ZHX3: variants seen among roughly 807,000 people sequenced by gnomAD.
ZHX3 encodes zinc fingers and homeoboxes 3.
Under a neutral mutation model 64.5 loss-of-function variants are expected in ZHX3, and 20 were observed. The ratio of observed to expected loss-of-function variants is 0.31; its 90% CI spans 0.22 to 0.45. The LOEUF (loss-of-function observed/expected upper bound fraction) is 0.45, where lower values mean the gene tolerates loss of function less well. ZHX3 is among the 20% of genes least tolerant of loss of function. The probability of loss-of-function intolerance (pLI) is 1.00; values close to 1 mark genes in which losing one functional copy is unlikely to be tolerated. For synonymous variants in ZHX3, 423 were observed against 461.6 expected, an observed-to-expected ratio of 0.92 and a Z score of 1.07; for missense variants, 1,041 against 1,195.8, an observed-to-expected ratio of 0.87 and a Z score of 1.91.
rs1386459142 is a variant in ZHX3, at chr20:41,180,005, C to G, written c.*5186G>C. Reference sequence around the variant, plus strand: ...AAAGCATTAACCAAGAAAAACTATTCATTAACACATACAGGTGCTCATGTG... The same window carrying G: ...AAAGCATTAACCAAGAAAAACTATTGATTAACACATACAGGTGCTCATGTG... On this transcript the variant is annotated 3_prime_UTR_variant, in exon 4 of 4. Transcript: ENST00000683867. 6.5e-6 allele frequency: 1 copy of G among 152,690 alleles called. No individual in the cohort carries two copies. 9.5% of individuals were successfully genotyped at this position (152,690 alleles called of 1,614,324 possible). A position where few individuals can be genotyped will look rare whatever the true frequency, so the allele number is the denominator to read the frequency against.
At chr20:41,300,484 T>C (rs1332435436) in intron 1 of ZHX3, among the ~76,000 whole-genome samples, 2 of 152,228 alleles carry the variant, frequency 1.3e-5, no homozygotes, top group African/African-American at 4.8e-5. Context: ...GAGAAAGCAA[T>C]CTTTGTCCTA....
chr20:41,214,671 T>G (rs896441633), intron 2 of ZHX3, among the ~76,000 whole-genome samples: 2 of 152,190 alleles, frequency 1.3e-5, no homozygotes, highest in African/African-American at 4.8e-5. Flanking sequence ...AAGCTTGGGT[T>G]TATTTGTTAT....
intron 1 of ZHX3, among the ~76,000 whole-genome samples, chr20:41,289,619 T>G (rs6093465): frequency 0.18 from 27,668 of 151,796 alleles, 4,190 homozygotes; most frequent in African/African-American, 0.42. Flanking sequence ...TAATAAAACG[T>G]TTGGCTATGT....
chr20:41,231,174 C>T (rs1232737080), intron 2 of ZHX3, among the ~76,000 whole-genome samples: 1 of 152,072 alleles, frequency 6.6e-6, no homozygotes, highest in Non-Finnish European at 1.5e-5. Flanking sequence ...TTTAATCTCC[C>T]CCCATTGCTT....
In ZHX3 at chr20:41,228,149, C is replaced by G. The variant is rs557472014; in HGVS notation, c.-150-23083G>C. ...ATAACCTCTCCAAAGGGAGCAAACT[C>G]ATGCCCAGGACTTTGCAATCTCCTC... On this transcript the variant is annotated intron_variant, in intron 2 of 3. Coordinates refer to ENST00000683867, the MANE Select transcript of ZHX3 (RefSeq NM_001384317.1). This position sits in a 1 kb window ranked among gnomAD's most constrained non-coding sequence, Gnocchi z 4.6. Among the ~76,000 whole-genome samples the G allele has an allele frequency of 1.2e-4, 18 of 152,194 alleles. No individual in the cohort carries two copies. The highest frequency in any genetic ancestry group is 2.4e-4 in the Non-Finnish European group (16 of 68,034).
chr20:41,244,850 G>A (rs758862944), intron 2 of ZHX3, among the ~76,000 whole-genome samples: 13 of 152,080 alleles, frequency 8.5e-5, no homozygotes, highest in South Asian at 2.1e-4. Flanking sequence ...TTACCTTCTC[G>A]GCCATCTCCT....
At position 41,180,438 on chromosome 20, in the gene ZHX3, C is replaced by T. The variant is rs777267377; in HGVS notation, c.*4753G>A. 4 of 152,350 alleles carry T rather than the reference C, an allele frequency of 2.6e-5. No homozygotes were observed. The highest frequency in any genetic ancestry group is 4.4e-5 in the Non-Finnish European group (3 of 68,128). The allele number at this position is 152,350 out of a possible 1,614,324, so 9.4% of individuals were successfully genotyped here. The stretch of plus-strand genomic sequence containing the variant: ...TCTGGGTTCCCTCCCCTGCTCTAGA[C>T]TTCAGGGCAGTTAGAATGGATGACT... On this transcript the variant is annotated 3_prime_UTR_variant, in exon 4 of 4. Transcript: ENST00000683867.
chr20:41,295,250 A>G (rs1464001858), intron 1 of ZHX3, among the ~76,000 whole-genome samples: 1 of 152,210 alleles, frequency 6.6e-6, no homozygotes, highest in Non-Finnish European at 1.5e-5. Flanking sequence ...TAATACATAA[A>G]ACACTTCAGT....
Position 41,202,083 on chromosome 20 carries a change from G to C in ZHX3, c.2834C>G (p.Ser945Trp), listed in dbSNP as rs762813790. 35 of 1,606,796 alleles carry C rather than the reference G, an allele frequency of 2.2e-5. No individual in the cohort carries two copies. The Admixed American group carries it at 5.9e-4, about 27-fold the overall frequency. ...PEASSEPFDT[S>W]SPQAGRQLET... is the part of the protein sequence containing the mutation. ...GAGCTGACGTCCAGCCTGGGGACTC[G>C]ATGTGTCAAAGGGCTCTGAGCTGGC... The change falls in exon 3 of 4, where the codon TCG becomes TGG. Residue 945 changes from serine (S) to tryptophan (W), a missense_variant. Ser to Trp is a radical substitution (Grantham distance 177, BLOSUM62 -3). Around this residue, in one of 4 missense-constraint regions of ZHX3, gnomAD observed 649 missense variants for 739.8 expected, o/e 0.88. Transcript: ENST00000683867. This position sits in a 1 kb window ranked among gnomAD's most constrained non-coding sequence, Gnocchi z 7.0.
At position 41,212,107 on chromosome 20, in the gene ZHX3, T is replaced by C. The variant is rs890454163; in HGVS notation, c.-150-7041A>G. On this transcript the variant is annotated intron_variant, in intron 2 of 3. Coordinates refer to ENST00000683867, the MANE Select transcript of ZHX3 (RefSeq NM_001384317.1). This position sits in a 1 kb window ranked among gnomAD's most constrained non-coding sequence, Gnocchi z 4.3. ...GGTCACCATCAAGAAAGTGAAAAGA[T>C]AGACAATCCACAGAAAGAAAAGGTT... Among the ~76,000 whole-genome samples, 11 of 152,174 alleles carry C rather than the reference T, an allele frequency of 7.2e-5. No individual in the cohort carries two copies. Among genetic ancestry groups the C allele is most frequent in the African/African-American group, 2.4e-4 (10 of 41,452 alleles).
At chr20:41,240,256 G>T (rs2041290946) in intron 2 of ZHX3, among the ~76,000 whole-genome samples, 1 of 152,202 alleles carries the variant, frequency 6.6e-6, no homozygotes, top group Admixed American at 6.5e-5. Flanking sequence ...AGAAGGCAGA[G>T]CATGGGACAG....
Position 41,195,396 on chromosome 20 carries a change from G to A in ZHX3, c.2860+6661C>T, listed in dbSNP as rs149412659. ...CTCCCAAAGCACTGGGATTATAGAT[G>A]CAAGCCACCATGCTCGACTGAGATT... is the stretch of plus-strand genomic sequence containing the variant. On this transcript the variant is annotated intron_variant, in intron 3 of 3. Transcript: ENST00000683867. This position sits in a 1 kb window ranked among gnomAD's most constrained non-coding sequence, Gnocchi z 4.2. Among the ~76,000 whole-genome samples, 521 of 152,132 alleles carry A rather than the reference G, an allele frequency of 3.4e-3. 2 individuals carry two copies. The highest frequency in any genetic ancestry group is 0.012 in the African/African-American group (497 of 41,520).
chr20:41,236,166 G>C (rs2040971244), intron 2 of ZHX3, among the ~76,000 whole-genome samples: 1 of 152,170 alleles, frequency 6.6e-6, no homozygotes, highest in African/African-American at 2.4e-5. Context: ...TGGGTAGGAA[G>C]AATCAATATC....
chr20:41,181,664 G>A lies in ZHX3; in HGVS notation c.*3527C>T, dbSNP rs548236845. On this transcript the variant is annotated 3_prime_UTR_variant, in exon 4 of 4. Transcript: ENST00000683867. The stretch of plus-strand genomic sequence containing the variant: ...GTCCCAGAGCCAGGAGAGAGAGGGA[G>A]AGAACACAGGACCTGCCCCTAGGCC... The A allele has an allele frequency of 3.3e-5, 5 of 152,422 alleles. No homozygotes were observed. The highest frequency in any genetic ancestry group is 1.2e-4 in the African/African-American group (5 of 41,570). The allele number at this position is 152,422 out of a possible 1,614,324, so 9.4% of individuals were successfully genotyped here. A position where few individuals can be genotyped will look rare whatever the true frequency, so the allele number is the denominator to read the frequency against.
intron 3 of ZHX3, among the ~76,000 whole-genome samples, chr20:41,196,390 TA>T (rs1174205985): frequency 3.5e-5 from 2 of 57,120 alleles, no homozygotes; most frequent in Non-Finnish European, 5.3e-5. Flanking sequence ...CATAAATATA[TA>T]TTTATATATA....
At chr20:41,306,395 G>A (rs779060729) in intron 1 of ZHX3, among the ~76,000 whole-genome samples, 3 of 152,140 alleles carry the variant, frequency 2.0e-5, no homozygotes, top group Admixed American at 6.5e-5. Flanking sequence ...CAGAAAATAG[G>A]GTCAAATGCT....
chr20:41,251,070 G>C (rs1454012037), intron 2 of ZHX3, among the ~76,000 whole-genome samples: 1 of 152,122 alleles, frequency 6.6e-6, no homozygotes, highest in Non-Finnish European at 1.5e-5. Flanking sequence ...ATGGTTAAAG[G>C]AAGTTTTTCA....
chr20:41,304,593 A>G (rs1387234785), intron 1 of ZHX3, among the ~76,000 whole-genome samples: 1 of 152,236 alleles, frequency 6.6e-6, no homozygotes. Context: ...GTGTGAATGG[A>G]TATCTGTATG....
intron 2 of ZHX3, among the ~76,000 whole-genome samples, chr20:41,214,281 C>T (rs1372780446): frequency 1.3e-5 from 2 of 152,268 alleles, no homozygotes; most frequent in East Asian, 3.9e-4. Flanking sequence ...TACACATCCC[C>T]TCATTTCACT....
Sources: allele counts gnomAD v4.1 joint callset (sites outside exome capture counted in the v4.1 genomes callset), GRCh38; gene constraint gnomAD v4.1.1; regional missense constraint gnomAD v4.1.1; non-coding constraint Gnocchi (gnomAD v3.1); transcripts MANE v1.5; gene names NCBI Gene and HGNC (gene_info 2026-07-23, HGNC 2026-07-21).